Variants in FMO1 observed in about 807,000 individuals in gnomAD.
The protein encoded by FMO1 is flavin-containing monooxygenase 1.
In FMO1, 36 loss-of-function variants were observed where a neutral mutation model predicts 45.4. The ratio of observed to expected loss-of-function variants is 0.79; its 90% confidence interval spans 0.61 to 1.05. The LOEUF is 1.05. FMO1 is among the 50% of genes least tolerant of loss of function. The probability of loss-of-function intolerance (pLI) is 0.00; values close to 1 mark genes in which losing one functional copy is unlikely to be tolerated. For synonymous variants in FMO1, 228 were observed against 227.2 expected (o/e 1.00, Z -0.03); for missense variants, 615 against 640.3 (o/e 0.96, Z 0.43).
intron 3 of FMO1, among the ~76,000 whole-genome samples, chr1:171,268,113 G>T (rs1660697280): frequency 6.6e-6 from 1 of 152,054 alleles, no homozygotes; most frequent in South Asian, 2.1e-4. Flanking sequence ...TTGAGACAGG[G>T]TCTCACTTTG....
intron 3 of FMO1, chr1:171,270,853 C>G (rs1342077935): frequency 1.4e-6 from 1 of 692,108 alleles, no homozygotes; most frequent in Non-Finnish European, 2.3e-6. Flanking sequence ...ACAAATCCTA[C>G]ACAGACTTAC....
At chr1:171,255,103 T>C (rs890638201) in intron 1 of FMO1, among the ~76,000 whole-genome samples, 1 of 152,216 alleles carries the variant, frequency 6.6e-6, no homozygotes, top group Non-Finnish European at 1.5e-5. Flanking sequence ...TCTGAGTTGA[T>C]AGAATGTTAT....
At position 171,282,343 on chromosome 1, in the gene FMO1, A is replaced by C; in HGVS notation, c.1183+10A>C. ...GTTCGAGTCCTGAAAGGTAAGTATA[A>C]GAAATAGCAGGGCATGTGTTTTTGG... On this transcript the variant is annotated intron_variant, in intron 7 of 8. Coordinates refer to ENST00000617670, the MANE Select transcript of FMO1 (RefSeq NM_001282693.2). 1.9e-6 allele frequency: 3 copies of C among 1,566,356 alleles called. No individual in the cohort carries two copies. The highest frequency in any genetic ancestry group is 2.6e-6 in the Non-Finnish European group (3 of 1,143,838).
chr1:171,285,553 TCTC>T lies in FMO1; in HGVS notation c.*12_*14del. 6.9e-7 allele frequency: 1 copy of T among 1,445,408 alleles called. No homozygotes were observed. Among genetic ancestry groups the T allele is most frequent in the Non-Finnish European group, 9.3e-7 (1 of 1,072,118 alleles). 89.5% of individuals were successfully genotyped at this position (1,445,408 alleles called of 1,614,324 possible). A position where few individuals can be genotyped will look rare whatever the true frequency, so the allele number is the denominator to read the frequency against. On this transcript the variant is annotated 3_prime_UTR_variant, in exon 9 of 9. Transcript: ENST00000617670. ...TTCTGATTTTCCTATAAGTAAAAGATCTCCTAAATGGAAGATGCACAGAGTAGA... is the reference window on the plus strand; with the variant it reads ...TTCTGATTTTCCTATAAGTAAAAGATCTAAATGGAAGATGCACAGAGTAGA...
chr1:171,256,458 A>G (rs1025319094), intron 1 of FMO1, among the ~76,000 whole-genome samples: 9 of 151,990 alleles, frequency 5.9e-5, no homozygotes, highest in African/African-American at 1.9e-4. Flanking sequence ...ATGTGGGGTC[A>G]CCTTACTCCT....
chr1:171,250,946 G>C (rs1659860843), intron 1 of FMO1, among the ~76,000 whole-genome samples: 1 of 152,146 alleles, frequency 6.6e-6, no homozygotes, highest in Non-Finnish European at 1.5e-5. Flanking sequence ...ATTAAAGATA[G>C]TTATGGAGAT....
chr1:171,271,507 T>C lies in FMO1; in HGVS notation c.321+3776T>C, dbSNP rs897300053. 102 of 904,046 alleles carry C rather than the reference T, an allele frequency of 1.1e-4. No individual in the cohort carries two copies. In the Admixed American group the frequency reaches 1.7e-3, roughly 15 times the overall value. 56.0% of individuals were successfully genotyped at this position (904,046 alleles called of 1,614,324 possible). On this transcript the variant is annotated intron_variant, in intron 3 of 8. Transcript: ENST00000617670. ...ACTGAAGCATCTGGGTGCTGCTTCT[T>C]ATGCTCTTCCCGACAAGTTTGCACA...
intron 1 of FMO1, among the ~76,000 whole-genome samples, chr1:171,255,960 G>A (rs1235202515): frequency 1.3e-5 from 2 of 152,008 alleles, no homozygotes; most frequent in Admixed American, 6.6e-5. Context: ...TTATCAAATG[G>A]CTACTATGTC....
At chr1:171,263,258 T>C (rs138043778) in intron 2 of FMO1, among the ~76,000 whole-genome samples, 64 of 152,330 alleles carry the variant, frequency 4.2e-4, no homozygotes, top group African/African-American at 1.5e-3. Context: ...ATTGTTCCAT[T>C]AGCATGATAG....
intron 3 of FMO1, among the ~76,000 whole-genome samples, chr1:171,273,143 C>T (rs186527513): frequency 3.4e-4 from 51 of 152,144 alleles, no homozygotes; most frequent in African/African-American, 1.2e-3. Context: ...GGCAGAATTT[C>T]CCTGCACAAG....
intron 4 of FMO1, among the ~76,000 whole-genome samples, chr1:171,277,168 C>T (rs1020550324): frequency 2.0e-5 from 3 of 152,178 alleles, no homozygotes; most frequent in Non-Finnish European, 4.4e-5. Flanking sequence ...GTTCTCCCAA[C>T]CTCTCTATCT....
chr1:171,258,306 T>A (rs1484649518), intron 2 of FMO1, 87 bp downstream of exon 2: 1 of 1,505,730 alleles, frequency 6.6e-7, no homozygotes, highest in East Asian at 2.3e-5. Flanking sequence ...TCACAAGGGT[T>A]GGTGGCCTTG....
In FMO1 at chr1:171,278,751, G is replaced by A. The variant is rs769824265; in HGVS notation, c.507G>A (p.Gln169=). 2 of 1,609,258 alleles carry A rather than the reference G, an allele frequency of 1.2e-6. No individual in the cohort carries two copies. The highest frequency in any genetic ancestry group is 1.7e-6 in the Non-Finnish European group (2 of 1,176,756). ...TAGGTATTAATGCCTTTAAAGGCCA[G>A]TACTTTCATAGCCGGCAATATAAGC... The part of the protein sequence containing the change: ...SFPGINAFKG[Q]YFHSRQYKHP... The change falls in exon 5 of 9, where the codon CAG becomes CAA. Residue 169 remains glutamine (Q), a synonymous_variant. Transcript: ENST00000617670.
At chr1:171,249,762 G>A (rs1319706465) in intron 1 of FMO1, among the ~76,000 whole-genome samples, 2 of 152,072 alleles carry the variant, frequency 1.3e-5, no homozygotes, top group Non-Finnish European at 2.9e-5. Flanking sequence ...GATGGGGAAT[G>A]CATAAATAGA....
intron 1 of FMO1, among the ~76,000 whole-genome samples, chr1:171,249,023 GTT>G (rs1659757271): frequency 6.6e-6 from 1 of 151,468 alleles, no homozygotes; most frequent in Non-Finnish European, 1.5e-5. Context: ...TGAGATCATA[GTT>G]TTTGAAGGGT....
intron 2 of FMO1, among the ~76,000 whole-genome samples, chr1:171,265,392 A>T (rs985723871): frequency 4.7e-5 from 7 of 147,436 alleles, no homozygotes; most frequent in Non-Finnish European, 8.8e-5. Flanking sequence ...CTCCGTCTCA[A>T]AAAAAGAAAA....
intron 1 of FMO1, among the ~76,000 whole-genome samples, chr1:171,252,502 C>T (rs190259260): frequency 5.3e-5 from 8 of 152,346 alleles, no homozygotes; most frequent in Middle Eastern, 3.4e-3. Flanking sequence ...CTCAGCCCCC[C>T]GCCATGCCTC....
Position 171,285,939 on chromosome 1 carries a change from A to G in FMO1, c.*395A>G, listed in dbSNP as rs1160264901. 1.3e-5 allele frequency: 2 copies of G among 156,988 alleles called. No homozygotes were observed. Among genetic ancestry groups the G allele is most frequent in the Non-Finnish European group, 2.8e-5 (2 of 71,452 alleles). 9.7% of individuals were successfully genotyped at this position (156,988 alleles called of 1,614,324 possible). On this transcript the variant is annotated 3_prime_UTR_variant, in exon 9 of 9. Coordinates refer to ENST00000617670, the MANE Select transcript of FMO1 (RefSeq NM_001282693.2). ...GTGCTCTTATAGTACTGGCTTATTA[A>G]AAGTAAAAAATAAACCTAAAAATTG...
intron 4 of FMO1, 89 bp downstream of exon 4, chr1:171,275,597 T>G: frequency 1.1e-6 from 1 of 924,894 alleles, no homozygotes; most frequent in Non-Finnish European, 1.6e-6. Context: ...CTATGGCTGT[T>G]CCATTAAATA....
Sources: gnomAD v4.1 joint callset for allele counts (sites outside exome capture counted in the v4.1 genomes callset) on GRCh38, gnomAD v4.1.1 for gene constraint, MANE v1.5 for transcripts, NCBI Gene and HGNC (gene_info 2026-07-23, HGNC 2026-07-21) for gene names.